FAAH2: variants seen among roughly 807,000 people sequenced by gnomAD.
FAAH2 encodes the protein fatty acid amide hydrolase 2.
In FAAH2, 60 loss-of-function variants were observed where a neutral mutation model predicts 36.9. The observed-to-expected ratio is 1.63, with a 90% CI of 1.32 to 2.02. FAAH2 has a LOEUF of 2.02. FAAH2 is among the 30% of genes most tolerant of loss of function. The pLI is 0.00. For missense variants in FAAH2, 689 were observed against 397.5 expected (o/e 1.73, Z -6.23); for synonymous variants, 214 against 143.8 (o/e 1.49, Z -3.49).
chrX:57,249,283 G>T, the FAAH2 span, among the ~76,000 whole-genome samples: 2 of 111,965 alleles, frequency 1.8e-5, no homozygotes, highest in East Asian at 2.8e-4. Context: ...AAACATTAAA[G>T]AATTGGAGAA....
At chrX:57,367,648 C>T (rs1346291941) in intron 5 of FAAH2, among the ~76,000 whole-genome samples, 1 of 111,804 alleles carries the variant, frequency 8.9e-6, no homozygotes, top group East Asian at 2.8e-4. Context: ...AGGATGGCTT[C>T]ATAGACAAGG....
At chrX:57,394,936 C>A (rs908813617) in intron 7 of FAAH2, 2 of 620,049 alleles carry the variant, frequency 3.2e-6, no homozygotes, top group African/African-American at 2.2e-5. Flanking sequence ...TGGCAATCTG[C>A]ACCCCTGTCT....
intron 5 of FAAH2, among the ~76,000 whole-genome samples, chrX:57,353,235 G>A (rs12006991): frequency 0.054 from 5,935 of 109,461 alleles, 369 homozygotes; most frequent in African/African-American, 0.17. Flanking sequence ...CATGGTTCTG[G>A]TAAAAAAACA....
the FAAH2 span, among the ~76,000 whole-genome samples, chrX:57,147,842 T>G: frequency 7.3e-4 from 82 of 112,180 alleles, no homozygotes; most frequent in Non-Finnish European, 1.3e-3. Context: ...GCAGGTTATT[T>G]GATTTCCATG....
chrX:57,137,846 A>G, the FAAH2 span, among the ~76,000 whole-genome samples: 3 of 111,494 alleles, frequency 2.7e-5, no homozygotes, highest in Non-Finnish European at 5.6e-5. Flanking sequence ...ATCCTTTACG[A>G]CCATATGCAA....
chrX:57,273,342 G>A, the FAAH2 span, among the ~76,000 whole-genome samples: 1 of 111,306 alleles, frequency 9.0e-6, no homozygotes, highest in Admixed American at 9.6e-5. Flanking sequence ...GTCAATATTA[G>A]ACAGTTCGAG....
rs187609026 is a variant in FAAH2, at chrX:57,382,871, C to A, written c.996+1842C>A. On this transcript the variant is annotated intron_variant, in intron 7 of 10. Transcript: ENST00000374900. ...TACCAAAGCCTGGCAGAGACACAAC[C>A]AAGAAAGAGAATTTTAGGCCAATAA... Among the ~76,000 whole-genome samples the A allele has an allele frequency of 6.3e-4, 70 of 111,106 alleles. 1 individual carries two copies. Among genetic ancestry groups the A allele is most frequent in the African/African-American group, 2.0e-3 (61 of 30,611 alleles).
At chrX:57,459,961 C>T (rs2056929730) in intron 10 of FAAH2, among the ~76,000 whole-genome samples, 1 of 111,573 alleles carries the variant, frequency 9.0e-6, no homozygotes, top group African/African-American at 3.3e-5. Flanking sequence ...CACAAATCCT[C>T]TCCAGCAAGG....
intron 3 of FAAH2, among the ~76,000 whole-genome samples, chrX:57,311,308 A>T (rs972177901): frequency 2.0e-4 from 23 of 112,558 alleles, no homozygotes; most frequent in African/African-American, 6.5e-4. Context: ...TTCAGTGAAT[A>T]TACATGAAAA....
chrX:57,274,971 G>A, the FAAH2 span, among the ~76,000 whole-genome samples: 1 of 111,959 alleles, frequency 8.9e-6, no homozygotes. Flanking sequence ...AATTGTCTGT[G>A]TTTGCAGATT....
chrX:57,381,463 T>C, intron 7 of FAAH2: 1 of 483,753 alleles, frequency 2.1e-6, no homozygotes, highest in South Asian at 1.0e-4. Context: ...AAGAGTTCAT[T>C]TGGGAAAGAA....
intron 10 of FAAH2, among the ~76,000 whole-genome samples, chrX:57,462,168 A>T (rs1260690396): frequency 1.8e-5 from 1 of 55,931 alleles, no homozygotes; most frequent in African/African-American, 1.0e-4. Context: ...TAGCCTACAA[A>T]AAAAAAAAAA....
At chrX:57,349,177 G>A (rs199876179) in intron 5 of FAAH2, among the ~76,000 whole-genome samples, 7 of 28,241 alleles carry the variant, frequency 2.5e-4, no homozygotes, top group East Asian at 3.6e-3. Context: ...ACATATATAT[G>A]TATACATATA....
chrX:57,150,873 T>C, the FAAH2 span, among the ~76,000 whole-genome samples: 4 of 112,479 alleles, frequency 3.6e-5, no homozygotes, highest in South Asian at 1.5e-3. Flanking sequence ...CTATACAATT[T>C]GGCATGTTTT....
the FAAH2 span, among the ~76,000 whole-genome samples, chrX:57,237,895 A>G: frequency 1.8e-5 from 2 of 112,160 alleles, no homozygotes; most frequent in Non-Finnish European, 1.9e-5. Flanking sequence ...GAGCATATTA[A>G]AAAAGCTTAA....
intron 10 of FAAH2, among the ~76,000 whole-genome samples, chrX:57,472,952 T>C (rs2057196767): frequency 9.0e-6 from 1 of 111,235 alleles, no homozygotes; most frequent in Non-Finnish European, 1.9e-5. Flanking sequence ...TAGGGGTCTG[T>C]CAAGTTTTTT....
chrX:57,274,897 C>T, the FAAH2 span, among the ~76,000 whole-genome samples: 1 of 111,726 alleles, frequency 9.0e-6, no homozygotes, highest in Non-Finnish European at 1.9e-5. Flanking sequence ...ATTGGAAGTT[C>T]TGGCCAGGGT....
At chrX:57,276,895 T>G in the FAAH2 span, among the ~76,000 whole-genome samples, 1 of 111,513 alleles carries the variant, frequency 9.0e-6, no homozygotes, top group Non-Finnish European at 1.9e-5. Context: ...AATCTCTGAA[T>G]AGACTAATAA....
the FAAH2 span, among the ~76,000 whole-genome samples, chrX:57,185,715 C>A: frequency 6.3e-4 from 69 of 109,772 alleles, no homozygotes; most frequent in African/African-American, 2.1e-3. Flanking sequence ...CCTTTCCCCC[C>A]ACCCCCCAAC....
Sources: gnomAD v4.1 joint callset for allele counts (sites outside exome capture counted in the v4.1 genomes callset) on GRCh38, gnomAD v4.1.1 for gene constraint, MANE v1.5 for transcripts, NCBI Gene and HGNC (gene_info 2026-07-23, HGNC 2026-07-21) for gene names.